PLPPR2: variants seen among roughly 807,000 people sequenced by gnomAD.
The protein encoded by PLPPR2 is phospholipid phosphatase related 2.
In PLPPR2, 11 loss-of-function variants were observed where a neutral mutation model predicts 40.3. That is an observed-to-expected ratio of 0.27 (90% confidence interval 0.17 to 0.45). The LOEUF (loss-of-function observed/expected upper bound fraction) is 0.45. Ranked by LOEUF, PLPPR2 falls within the 20% of genes least tolerant of loss-of-function variation. The pLI, the probability that PLPPR2 is intolerant of heterozygous loss-of-function variation, is 1.00. For synonymous variants in PLPPR2, 260 were observed against 290.8 expected (o/e 0.89, Z 1.08); for missense variants, 497 against 640.7 (o/e 0.78, Z 2.42).
chr19:11,364,364 C>T lies in PLPPR2; in HGVS notation c.1033C>T (p.Arg345Cys), dbSNP rs761831137. 7.9e-6 allele frequency: 12 copies of T among 1,520,112 alleles called. No homozygotes were observed. Among genetic ancestry groups the T allele is most frequent in the Admixed American group, 4.4e-5 (2 of 45,108 alleles). The allele number at this position is 1,520,112 out of a possible 1,614,324, so 94.2% of individuals were successfully genotyped here. A position where few individuals can be genotyped will look rare whatever the true frequency, so the allele number is the denominator to read the frequency against. ...ACCACCAGAGTCGCAGAACTGCGCC[C>T]GCCGTGGCCACCTGATCCCCAGCTG... ...LTPSKSQNCA[R>C]RGHLIPSCVS... The change falls in exon 10 of 10, where the codon CGC becomes TGC. Residue 345 changes from arginine to cysteine, a missense_variant. Physicochemically the swap from Arg to Cys is radical, Grantham distance 180. Coordinates refer to ENST00000688289, the MANE Select transcript of PLPPR2 (RefSeq NM_001393892.1). This position sits in a 1 kb window ranked among gnomAD's most constrained non-coding sequence, Gnocchi z 5.8.
intron 1 of PLPPR2, among the ~76,000 whole-genome samples, chr19:11,356,103 T>A (rs1164847567): frequency 6.6e-6 from 1 of 152,120 alleles, no homozygotes; most frequent in Admixed American, 6.6e-5. Context: ...TATGTGTGTG[T>A]GGCTGTGGTC....
Position 11,364,398 on chromosome 19 carries a change from C to T in PLPPR2, c.1067C>T (p.Ser356Phe). 6.6e-7 allele frequency: 1 copy of T among 1,520,202 alleles called. No individual in the cohort carries two copies. The highest frequency in any genetic ancestry group is 8.8e-7 in the Non-Finnish European group (1 of 1,135,352). 94.2% of individuals were successfully genotyped at this position (1,520,202 alleles called of 1,614,324 possible). A position where few individuals can be genotyped will look rare whatever the true frequency, so the allele number is the denominator to read the frequency against. The part of the protein sequence containing the change: ...RGHLIPSCVS[S>F]RAPAMCSSPR... ...CACCTGATCCCCAGCTGTGTCTCCT[C>T]CAGGGCCCCAGCCATGTGTTCGTCG... Residue 356 changes from serine (S) to phenylalanine (F), a missense_variant, in exon 10 of 10, where the codon TCC becomes TTC. Transcript: ENST00000688289. The surrounding 1 kb of genome is among the most constrained non-coding windows in gnomAD (Gnocchi z 5.8).
In PLPPR2 at chr19:11,359,532, T is replaced by C. The variant is rs779435394; in HGVS notation, c.67T>C (p.Ser23Pro). The C allele has an allele frequency of 9.1e-6, 14 of 1,537,008 alleles. No individual in the cohort carries two copies. The Admixed American group carries it at 2.7e-4, about 30-fold the overall frequency. ...SIIPCFVFVE[S>P]VLLGIVILLA... is the part of the protein sequence containing the mutation. ...TCTCCCCGCCCTGGCTTGGTGGCAG[T>C]CGGTGCTGCTGGGCATTGTGATCCT... Residue 23 changes from serine to proline, a missense_variant and splice_region_variant, in exon 4 of 10, where the codon TCG (serine) becomes CCG (proline). Coordinates refer to ENST00000688289, the MANE Select transcript of PLPPR2 (RefSeq NM_001393892.1). This position sits in a 1 kb window ranked among gnomAD's most constrained non-coding sequence, Gnocchi z 5.6.
In PLPPR2 at chr19:11,363,280, CAAAA is replaced by C. The variant is rs571914211; in HGVS notation, c.841-416_841-413del. On this transcript the variant is annotated intron_variant, in intron 7 of 9. Coordinates refer to ENST00000688289, the MANE Select transcript of PLPPR2 (RefSeq NM_001393892.1). This position sits in a 1 kb window ranked among gnomAD's most constrained non-coding sequence, Gnocchi z 4.8. ...TGGGTGAAAGAGCGAAAGTCTGTCT[CAAAA>C]AAAAAAAAAAAAAAAATTAGCTGGG... Among the ~76,000 whole-genome samples the C allele has an allele frequency of 2.7e-5, 2 of 74,082 alleles. No individual in the cohort carries two copies. Among genetic ancestry groups the C allele is most frequent in the African/African-American group, 9.1e-5 (2 of 21,866 alleles). 48.6% of individuals were successfully genotyped at this position (74,082 alleles called of 152,430 possible).
chr19:11,357,974 G>A (rs966307017), intron 3 of PLPPR2, among the ~76,000 whole-genome samples: 7 of 151,982 alleles, frequency 4.6e-5, no homozygotes, highest in Admixed American at 1.3e-4. Context: ...CTGAGCCACA[G>A]TTTCCTCATT....
In PLPPR2 at chr19:11,356,355, CCTGA is replaced by C. The variant is rs1044981107; in HGVS notation, c.-189-443_-189-440del. ...CTGTGACTCTTAAGTGTGTTGCAGG[CCTGA>C]CTGTGTGTCCCTGACTGTAGCGGTG... On this transcript the variant is annotated intron_variant, in intron 1 of 9. Transcript: ENST00000688289. Among the ~76,000 whole-genome samples the C allele has an allele frequency of 9.9e-5, 15 of 151,280 alleles. No individual in the cohort carries two copies. In the South Asian group the frequency reaches 1.0e-3, roughly 11 times the overall value.
In PLPPR2 at chr19:11,359,926, C is replaced by G. The variant is rs776391678; in HGVS notation, c.361C>G (p.Pro121Ala). The G allele has an allele frequency of 6.2e-7, 1 of 1,611,822 alleles. No individual in the cohort carries two copies. Among genetic ancestry groups the G allele is most frequent in the South Asian group, 1.1e-5 (1 of 90,950 alleles). The stretch of plus-strand genomic sequence containing the variant: ...GTCTGGGGCCTGCTGCCGCTTCAGC[C>G]CCCCAGTGCGGAGGCTGGTCCGCTT... ...IVSGACCRFS[P>A]PVRRLVRFLG... Residue 121 changes from proline to alanine, a missense_variant, in exon 5 of 10, where the codon CCC becomes GCC. By Grantham distance (27) the Pro-to-Ala change is conservative (BLOSUM62 -1). Coordinates refer to ENST00000688289, the MANE Select transcript of PLPPR2 (RefSeq NM_001393892.1). The surrounding 1 kb of genome is among the most constrained non-coding windows in gnomAD (Gnocchi z 5.6).
chr19:11,365,001 C>T lies in PLPPR2; in HGVS notation c.*311C>T, dbSNP rs1386422962. 3 of 419,888 alleles carry T rather than the reference C, an allele frequency of 7.1e-6. No homozygotes were observed. The highest frequency in any genetic ancestry group is 1.3e-5 in the Non-Finnish European group (3 of 235,294). 26.0% of individuals were successfully genotyped at this position (419,888 alleles called of 1,614,324 possible). A position where few individuals can be genotyped will look rare whatever the true frequency, so the allele number is the denominator to read the frequency against. On this transcript the variant is annotated 3_prime_UTR_variant, in exon 10 of 10. Transcript: ENST00000688289. ...CAGAATTTTAACCAAAAGGAGTTGG[C>T]TCCAACCAATGGGAGCCTTCCCCTC...
Position 11,359,484 on chromosome 19 carries a change from C to T in PLPPR2, c.67-48C>T. 6.7e-7 allele frequency: 1 copy of T among 1,487,870 alleles called. No individual in the cohort carries two copies. The highest frequency in any genetic ancestry group is 9.0e-7 in the Non-Finnish European group (1 of 1,114,528). 92.2% of individuals were successfully genotyped at this position (1,487,870 alleles called of 1,614,324 possible). A position where few individuals can be genotyped will look rare whatever the true frequency, so the allele number is the denominator to read the frequency against. Reference sequence around the variant, plus strand: ...CTGTGGCCTCAGCTGGAGTCCTGACCTCTCTCTTCTCTCTCCGCCACCTCT... The same window carrying T: ...CTGTGGCCTCAGCTGGAGTCCTGACTTCTCTCTTCTCTCTCCGCCACCTCT... On this transcript the variant is annotated intron_variant, in intron 3 of 9. Transcript: ENST00000688289. The surrounding 1 kb of genome is among the most constrained non-coding windows in gnomAD (Gnocchi z 5.6).
At position 11,359,804 on chromosome 19, in the gene PLPPR2, C is replaced by A; in HGVS notation, c.256-17C>A. The stretch of plus-strand genomic sequence containing the variant: ...GGGCTGGAAGGCCAGAAGACTCCAT[C>A]TTGGTCTTGCCCACAGATCCTGCTG... On this transcript the variant is annotated splice_polypyrimidine_tract_variant and intron_variant, in intron 4 of 9. Transcript: ENST00000688289. The surrounding 1 kb of genome is among the most constrained non-coding windows in gnomAD (Gnocchi z 5.6). 6.2e-7 allele frequency: 1 copy of A among 1,604,572 alleles called. No homozygotes were observed. The highest frequency in any genetic ancestry group is 8.5e-7 in the Non-Finnish European group (1 of 1,173,386).
Position 11,364,413 on chromosome 19 carries a change from T to C in PLPPR2, c.1082T>C (p.Met361Thr), listed in dbSNP as rs777620859. ...TGTGTCTCCTCCAGGGCCCCAGCCA[T>C]GTGTTCGTCGCCCCGTGTGCCCCGT... is the stretch of plus-strand genomic sequence containing the variant. Reference protein sequence around the residue: ...PSCVSSRAPAMCSSPRVPRPR... With the variant: ...PSCVSSRAPATCSSPRVPRPR... Residue 361 changes from methionine (M) to threonine (T), a missense_variant, in exon 10 of 10, where the codon ATG (methionine) becomes ACG (threonine). Transcript: ENST00000688289. This position sits in a 1 kb window ranked among gnomAD's most constrained non-coding sequence, Gnocchi z 5.8. 1.3e-6 allele frequency: 2 copies of C among 1,520,348 alleles called. No individual in the cohort carries two copies. Among genetic ancestry groups the C allele is most frequent in the East Asian group, 2.3e-5 (1 of 43,950 alleles). 94.2% of individuals were successfully genotyped at this position (1,520,348 alleles called of 1,614,324 possible).
chr19:11,362,613 GCGTGGCCGAGT>G lies in PLPPR2; in HGVS notation c.765_775del (p.Val256ProfsTer28). On this transcript the variant is annotated frameshift_variant, in exon 7 of 10. Transcript: ENST00000688289. LOFTEE classifies it high-confidence loss of function. This position sits in a 1 kb window ranked among gnomAD's most constrained non-coding sequence, Gnocchi z 5.3. ...CCGGCCTTCCTGGTGGGCGTGGTCCGCGTGGCCGAGTACCGAAACCACTGGTCGGACGTGCT... is the reference window on the plus strand; with the variant it reads ...CCGGCCTTCCTGGTGGGCGTGGTCCGACCGAAACCACTGGTCGGACGTGCT... The G allele has an allele frequency of 6.2e-7, 1 of 1,613,660 alleles. No individual in the cohort carries two copies. Among genetic ancestry groups the G allele is most frequent in the Non-Finnish European group, 8.5e-7 (1 of 1,180,002 alleles).
chr19:11,357,333 G>A (rs1309400503), intron 2 of PLPPR2, among the ~76,000 whole-genome samples: 1 of 152,086 alleles, frequency 6.6e-6, no homozygotes, highest in Non-Finnish European at 1.5e-5. Context: ...TTCCCATGAG[G>A]CTGGGGAGTC....
chr19:11,357,594 C>A, intron 2 of PLPPR2, 66 bp from the exon 3 acceptor site: 1 of 1,224,590 alleles, frequency 8.2e-7, no homozygotes. Context: ...AAGCCAGGGT[C>A]CCGGTGACCT....
chr19:11,359,758 G>A lies in PLPPR2; in HGVS notation c.255+38G>A, dbSNP rs763668735. On this transcript the variant is annotated intron_variant, in intron 4 of 9. Transcript: ENST00000688289. This position sits in a 1 kb window ranked among gnomAD's most constrained non-coding sequence, Gnocchi z 5.6. ...AGACCTCCTAGGAGGCAGGTGGGCCGGTAAGGGTGGGTGAGGGGATGGGCT... is the reference window on the plus strand; with the variant it reads ...AGACCTCCTAGGAGGCAGGTGGGCCAGTAAGGGTGGGTGAGGGGATGGGCT... 2.3e-5 allele frequency: 37 copies of A among 1,578,692 alleles called. No homozygotes were observed. Among genetic ancestry groups the A allele is most frequent in the African/African-American group, 8.1e-5 (6 of 74,400 alleles).
chr19:11,360,138 C>T (rs1968003894), intron 5 of PLPPR2, among the ~76,000 whole-genome samples, 182 bp downstream of exon 5: 1 of 152,182 alleles, frequency 6.6e-6, no homozygotes, highest in South Asian at 2.1e-4. Flanking sequence ...CAGGACCAGC[C>T]TGGCCAACAT....
At position 11,364,684 on chromosome 19, in the gene PLPPR2, G is replaced by T; in HGVS notation, c.1353G>T (p.Leu451=). The change falls in exon 10 of 10, where the codon CTG becomes CTT. Residue 451 remains leucine (L), a synonymous_variant. Coordinates refer to ENST00000688289, the MANE Select transcript of PLPPR2 (RefSeq NM_001393892.1). This position sits in a 1 kb window ranked among gnomAD's most constrained non-coding sequence, Gnocchi z 5.8. ...ACCTGTTTGCCAGCCGTGACCACCT[G>T]CTGTGAGGCCCGACCACCCACCCAG... ...SPYLFASRDH[L]L The T allele has an allele frequency of 1.3e-6, 2 of 1,537,014 alleles. No homozygotes were observed. The highest frequency in any genetic ancestry group is 1.7e-6 in the Non-Finnish European group (2 of 1,146,838).
chr19:11,359,005 TTTTAA>T lies in PLPPR2; in HGVS notation c.67-523_67-519del, dbSNP rs1403440445. Among the ~76,000 whole-genome samples, 1 of 151,356 alleles carries T rather than the reference TTTTAA, an allele frequency of 6.6e-6. No homozygotes were observed. Among genetic ancestry groups the T allele is most frequent in the African/African-American group, 2.4e-5 (1 of 41,134 alleles). ...GCTGGGATTACAAGCATGAGCCACGTTTTAATTTTTTTTCTTTCTTTTTGTCTTTC... is the reference window on the plus strand; with the variant it reads ...GCTGGGATTACAAGCATGAGCCACGTTTTTTTTTCTTTCTTTTTGTCTTTC... On this transcript the variant is annotated intron_variant, in intron 3 of 9. Coordinates refer to ENST00000688289, the MANE Select transcript of PLPPR2 (RefSeq NM_001393892.1). This position sits in a 1 kb window ranked among gnomAD's most constrained non-coding sequence, Gnocchi z 5.6.
Position 11,365,100 on chromosome 19 carries a change from G to C in PLPPR2, c.*410G>C, listed in dbSNP as rs973999879. The C allele has an allele frequency of 7.8e-5, 17 of 217,528 alleles. No individual in the cohort carries two copies. The highest frequency in any genetic ancestry group is 1.3e-4 in the Non-Finnish European group (14 of 109,880). The allele number at this position is 217,528 out of a possible 1,614,324, so 13.5% of individuals were successfully genotyped here. A position where few individuals can be genotyped will look rare whatever the true frequency, so the allele number is the denominator to read the frequency against. On this transcript the variant is annotated 3_prime_UTR_variant, in exon 10 of 10. Transcript: ENST00000688289. ...GACTGAACAGCCAATAGGAGCCCTTGGTTTCCAGAATTTCTAGAGTGGGTG... is the reference window on the plus strand; with the variant it reads ...GACTGAACAGCCAATAGGAGCCCTTCGTTTCCAGAATTTCTAGAGTGGGTG...
Sources: gnomAD v4.1 joint callset for allele counts (sites outside exome capture counted in the v4.1 genomes callset) on GRCh38, gnomAD v4.1.1 for gene constraint, Gnocchi (gnomAD v3.1) non-coding constraint, MANE v1.5 for transcripts, NCBI Gene and HGNC (gene_info 2026-07-23, HGNC 2026-07-21) for gene names.